ZFHX3: variants seen among roughly 807,000 people sequenced by gnomAD.
The protein encoded by ZFHX3 is zinc finger homeobox 3, also known as zinc finger homeobox protein 3.
Under a neutral mutation model 279.1 loss-of-function variants are expected in ZFHX3, and 42 were observed. The ratio of observed to expected loss-of-function variants is 0.15; its 90% CI spans 0.12 to 0.19. ZFHX3 has a LOEUF of 0.19. Ranked by LOEUF, ZFHX3 falls within the 10% of genes least tolerant of loss-of-function variation. The pLI, the probability that ZFHX3 is intolerant of heterozygous loss-of-function variation, is 1.00. For missense variants in ZFHX3, 4,981 were observed against 4,754.0 expected, an observed-to-expected ratio of 1.05 and a Z score of -1.40; for synonymous variants, 2,293 against 1,957.8, an observed-to-expected ratio of 1.17 and a Z score of -4.52.
At chr16:73,801,516 A>G (rs542581574) in intron 1 of ZFHX3, among the ~76,000 whole-genome samples, 1 of 152,332 alleles carries the variant, frequency 6.6e-6, no homozygotes, top group Non-Finnish European at 1.5e-5. Flanking sequence ...AATGGACTAG[A>G]TCAAAAAATC....
At chr16:72,838,984 CTAAG>C (rs982386499) in intron 4 of ZFHX3, among the ~76,000 whole-genome samples, 9 of 152,042 alleles carry the variant, frequency 5.9e-5, no homozygotes, top group African/African-American at 2.2e-4. Flanking sequence ...GGAATACACG[CTAAG>C]TAAGAAAGCT....
At chr16:73,629,182 C>T (rs548073186) in intron 2 of ZFHX3, among the ~76,000 whole-genome samples, 1 of 152,332 alleles carries the variant, frequency 6.6e-6, no homozygotes, top group African/African-American at 2.4e-5. Flanking sequence ...AACAAGGCCG[C>T]TGATACGTAA....
chr16:73,377,091 C>G (rs917606649), intron 3 of ZFHX3, among the ~76,000 whole-genome samples: 3 of 152,000 alleles, frequency 2.0e-5, no homozygotes, highest in African/African-American at 7.2e-5. Flanking sequence ...CCTGCCTCAG[C>G]CTCCCCAGTA....
chr16:73,637,726 C>T (rs534732413), intron 2 of ZFHX3, among the ~76,000 whole-genome samples: 14 of 151,734 alleles, frequency 9.2e-5, no homozygotes, highest in Non-Finnish European at 1.9e-4. Context: ...AGATATAAAA[C>T]TTACACATTA....
intron 2 of ZFHX3, among the ~76,000 whole-genome samples, chr16:73,525,598 G>T (rs1314314203): frequency 6.6e-6 from 1 of 152,080 alleles, no homozygotes; most frequent in Non-Finnish European, 1.5e-5. Flanking sequence ...TACAATTTTA[G>T]CTGCACACCA....
At chr16:73,527,558 C>T (rs1404518632) in intron 2 of ZFHX3, among the ~76,000 whole-genome samples, 1 of 152,130 alleles carries the variant, frequency 6.6e-6, no homozygotes, top group Non-Finnish European at 1.5e-5. Flanking sequence ...ATAGGAGGGA[C>T]CTAGGGGCTC....
intron 5 of ZFHX3, among the ~76,000 whole-genome samples, chr16:73,175,287 G>A (rs574738157): frequency 1.3e-5 from 2 of 152,228 alleles, no homozygotes; most frequent in South Asian, 4.2e-4. Flanking sequence ...TGCTGAGGCA[G>A]GAGAATCACT....
rs139946261 is a variant in ZFHX3 at position 73,383,260 on chromosome 16, G to C, written c.-1290-64924C>G. ...GCTAGGAAGTGGGTTTGGAAACTCTGGCCACCCATCCAGCAGCAGGAACAG... is the reference window on the plus strand; with the variant it reads ...GCTAGGAAGTGGGTTTGGAAACTCTCGCCACCCATCCAGCAGCAGGAACAG... On this transcript the variant is annotated intron_variant, in intron 3 of 17. Coordinates refer to the ZFHX3 transcript ENST00000641206. Among the ~76,000 whole-genome samples the C allele has an allele frequency of 1.6e-3, 239 of 152,304 alleles. 1 individual carries two copies. The highest frequency in any genetic ancestry group is 6.8e-3 in the Middle Eastern group (2 of 294).
intron 8 of ZFHX3, among the ~76,000 whole-genome samples, chr16:73,081,833 A>G (rs879612893): frequency 2.8e-5 from 4 of 143,812 alleles, no homozygotes; most frequent in African/African-American, 7.7e-5. Context: ...TCTTGTCCAC[A>G]TCTTTTTTTT....
intron 1 of ZFHX3, among the ~76,000 whole-genome samples, chr16:73,024,897 G>A (rs1483697070): frequency 2.0e-5 from 3 of 152,296 alleles, no homozygotes; most frequent in South Asian, 2.1e-4. Context: ...GTGGGCCCAG[G>A]AAGGCCCTGC....
intron 5 of ZFHX3, among the ~76,000 whole-genome samples, chr16:73,165,076 A>T (rs755714480): frequency 7.2e-5 from 11 of 152,236 alleles, no homozygotes; most frequent in Non-Finnish European, 1.6e-4. Flanking sequence ...TGCACAGGAA[A>T]CGTCCATGCT....
intron 1 of ZFHX3, among the ~76,000 whole-genome samples, chr16:73,790,035 A>T (rs1408239500): frequency 6.6e-6 from 1 of 152,178 alleles, no homozygotes; most frequent in Non-Finnish European, 1.5e-5. Flanking sequence ...TCAAGGGTTT[A>T]TAATTCAGCC....
intron 3 of ZFHX3, among the ~76,000 whole-genome samples, chr16:73,322,128 G>A (rs757667843): frequency 5.9e-5 from 9 of 152,154 alleles, no homozygotes; most frequent in Non-Finnish European, 1.0e-4. Flanking sequence ...CACACAGCTC[G>A]GAGAGCAGAG....
chr16:73,239,895 A>G (rs1373709776), intron 5 of ZFHX3, among the ~76,000 whole-genome samples: 4 of 152,148 alleles, frequency 2.6e-5, no homozygotes, highest in Non-Finnish European at 5.9e-5. Context: ...TGAATACCGA[A>G]CCATCGCTCC....
intron 1 of ZFHX3, among the ~76,000 whole-genome samples, chr16:72,975,502 A>G (rs2144522847): frequency 6.6e-6 from 1 of 152,290 alleles, no homozygotes; most frequent in South Asian, 2.1e-4. Flanking sequence ...AGAGGGGATC[A>G]TGAAACGTGA....
chr16:73,097,455 A>G (rs750393162), intron 7 of ZFHX3, among the ~76,000 whole-genome samples: 1 of 152,118 alleles, frequency 6.6e-6, no homozygotes, highest in Non-Finnish European at 1.5e-5. Flanking sequence ...GTAATTTCCC[A>G]TGAATAGCTT....
chr16:73,784,623 T>C (rs1014996213), intron 1 of ZFHX3, among the ~76,000 whole-genome samples: 4 of 151,764 alleles, frequency 2.6e-5, no homozygotes, highest in African/African-American at 7.3e-5. Flanking sequence ...GGCACGTGCC[T>C]GTAGCCCCAG....
At chr16:73,052,136 AAGG>A (rs1965462648), upstream of ZFHX3, among the ~76,000 whole-genome samples, 2 of 152,100 alleles carry the variant, frequency 1.3e-5, no homozygotes, top group South Asian at 4.2e-4. Flanking sequence ...AGCAGGTTGG[AAGG>A]AGAAGAAAGG....
chr16:73,560,516 T>C (rs1194801539), intron 2 of ZFHX3, among the ~76,000 whole-genome samples: 1 of 152,232 alleles, frequency 6.6e-6, no homozygotes, highest in African/African-American at 2.4e-5. Flanking sequence ...CCCCATCAAG[T>C]TGGTACTTCA....
Sources: gnomAD v4.1 joint callset for allele counts (sites outside exome capture counted in the v4.1 genomes callset) on GRCh38, gnomAD v4.1.1 for gene constraint, MANE v1.5 for transcripts, NCBI Gene and HGNC (gene_info 2026-07-23, HGNC 2026-07-21) for gene names.